Variants in PSMA2 observed in about 807,000 individuals in gnomAD.
The protein encoded by PSMA2 is proteasome 20S subunit alpha 2.
In PSMA2, 2 loss-of-function variants were observed where a neutral mutation model predicts 35.9. The observed-to-expected ratio is 0.06, with a 90% CI of 0.02 to 0.18. The LOEUF (loss-of-function observed/expected upper bound fraction) is 0.18, where lower values mean the gene tolerates loss of function less well. PSMA2 is among the 10% of genes least tolerant of loss of function. The pLI is 1.00. For missense variants in PSMA2, 126 were observed against 278.8 expected (o/e 0.45, Z 3.90); for synonymous variants, 97 against 98.2 (o/e 0.99, Z 0.07).
At chr7:42,927,648 G>C (rs1786234001) in intron 1 of PSMA2, among the ~76,000 whole-genome samples, 189 bp from the exon 2 acceptor site, 1 of 152,204 alleles carries the variant, frequency 6.6e-6, no homozygotes, top group Non-Finnish European at 1.5e-5. Flanking sequence ...ACTCAAGTTT[G>C]TAATCCCAGC....
At chr7:42,920,213 T>C (rs1187973695) in intron 6 of PSMA2, 5 of 294,662 alleles carry the variant, frequency 1.7e-5, no homozygotes, top group Non-Finnish European at 3.3e-5. Flanking sequence ...ATGAGGAATA[T>C]GAATTAGCTC....
chr7:42,918,010 A>C, intron 6 of PSMA2, 175 bp from the exon 7 acceptor site: 1 of 479,966 alleles, frequency 2.1e-6, no homozygotes, highest in East Asian at 3.3e-5. Flanking sequence ...AACTGACAAT[A>C]TCTGGTGCTC....
chr7:42,931,067 C>A, intron 1 of PSMA2: 2 of 350,938 alleles, frequency 5.7e-6, no homozygotes, highest in Admixed American at 3.9e-5. Flanking sequence ...GAAAAAAAAC[C>A]CAGTTTGAAT....
chr7:42,927,492 A>C (rs370906798), intron 1 of PSMA2, 33 bp from the exon 2 acceptor site: 2 of 1,562,378 alleles, frequency 1.3e-6, no homozygotes, highest in African/African-American at 2.7e-5. Context: ...GTAAGTTCAC[A>C]TATCATCAAA....
At chr7:42,919,503 G>A (rs535823430) in intron 6 of PSMA2, 6 of 515,676 alleles carry the variant, frequency 1.2e-5, no homozygotes, top group African/African-American at 9.7e-5. Flanking sequence ...ATGGTACAGT[G>A]AGGATAAACA....
intron 4 of PSMA2, among the ~76,000 whole-genome samples, chr7:42,924,084 G>A (rs1308918091): frequency 6.6e-6 from 1 of 151,822 alleles, no homozygotes; most frequent in South Asian, 2.1e-4. Flanking sequence ...TAGCGGCCAG[G>A]CACAGTCCCA....
At chr7:42,925,075 C>G (rs964004972) in intron 3 of PSMA2, among the ~76,000 whole-genome samples, 2 of 151,814 alleles carry the variant, frequency 1.3e-5, no homozygotes, top group African/African-American at 4.8e-5. Context: ...ACTGTACCCC[C>G]ATCCAAGGGC....
chr7:42,918,497 C>G (rs1055298288), intron 6 of PSMA2: 1 of 152,174 alleles, frequency 6.6e-6, no homozygotes, highest in African/African-American at 2.4e-5. Context: ...CGAAGAGTGG[C>G]TGGGTCGTTT....
rs951795062 is a variant in PSMA2, at chr7:42,920,153, A to G, written c.530+1705T>C. On this transcript the variant is annotated intron_variant, in intron 6 of 7. Transcript: ENST00000223321. ...CTAGAACGAGCAAGCAGAGAAAAGC[A>G]TCAGCCTTCCAGAGTTACTCTCTGC... is the stretch of plus-strand genomic sequence containing the variant. 10 of 383,308 alleles carry G rather than the reference A, an allele frequency of 2.6e-5. No homozygotes were observed. In the South Asian group the frequency reaches 3.0e-4, roughly 12 times the overall value. 23.7% of individuals were successfully genotyped at this position (383,308 alleles called of 1,614,324 possible).
chr7:42,924,370 A>G (rs1291135138), intron 4 of PSMA2, among the ~76,000 whole-genome samples: 2 of 150,970 alleles, frequency 1.3e-5, no homozygotes, highest in East Asian at 3.9e-4. Context: ...AAAAAAAAAA[A>G]AAAAAAAAAG....
At chr7:42,926,840 C>T (rs1279520659) in intron 2 of PSMA2, among the ~76,000 whole-genome samples, 172 bp from the exon 3 acceptor site, 1 of 152,214 alleles carries the variant, frequency 6.6e-6, no homozygotes, top group Non-Finnish European at 1.5e-5. Context: ...GTCAGTTTTT[C>T]CCTCACTGGT....
chr7:42,930,206 AACACACAC>A (rs58987065), intron 1 of PSMA2, among the ~76,000 whole-genome samples: 5 of 149,214 alleles, frequency 3.4e-5, no homozygotes, highest in African/African-American at 7.4e-5. Flanking sequence ...ACCATGTTAA[AACACACAC>A]ACACACACAC....
At chr7:42,929,414 A>C (rs1185606853) in intron 1 of PSMA2, among the ~76,000 whole-genome samples, 1 of 152,206 alleles carries the variant, frequency 6.6e-6, no homozygotes, top group East Asian at 1.9e-4. Flanking sequence ...GGCTCATGTA[A>C]ACTTAATAGC....
intron 6 of PSMA2, chr7:42,919,806 G>A: frequency 1.4e-6 from 1 of 693,570 alleles, no homozygotes; most frequent in Non-Finnish European, 2.7e-6. Flanking sequence ...TGATAATAGT[G>A]GAGAAGAATT....
chr7:42,922,023 T>C, intron 5 of PSMA2, 92 bp from the exon 6 acceptor site: 1 of 947,348 alleles, frequency 1.1e-6, no homozygotes, highest in Non-Finnish European at 1.6e-6. Flanking sequence ...TATTAATTGT[T>C]CTCTAACTTC....
intron 3 of PSMA2, among the ~76,000 whole-genome samples, chr7:42,925,414 C>G (rs372461141): frequency 1.3e-5 from 2 of 152,158 alleles, no homozygotes; most frequent in Non-Finnish European, 2.9e-5. Flanking sequence ...AAGAGAATAA[C>G]TCAGATGTGA....
Sources: allele counts gnomAD v4.1 joint callset (sites outside exome capture counted in the v4.1 genomes callset), GRCh38; gene constraint gnomAD v4.1.1; transcripts MANE v1.5; gene names NCBI Gene and HGNC (gene_info 2026-07-23, HGNC 2026-07-21).